Variants in RAPGEF2 observed in about 807,000 individuals in gnomAD.
RAPGEF2 encodes the protein Rap guanine nucleotide exchange factor 2.
A neutral mutation model predicts 186.7 loss-of-function variants in RAPGEF2; 54 were observed. The observed-to-expected ratio is 0.29, with a 90% CI of 0.23 to 0.36. RAPGEF2 has a LOEUF of 0.36. Among genes scored for constraint, RAPGEF2 ranks in the 10% least tolerant of loss-of-function variants. The probability of loss-of-function intolerance (pLI) is 1.00; values close to 1 mark genes in which losing one functional copy is unlikely to be tolerated. For synonymous variants in RAPGEF2, 712 were observed against 705.9 expected, an observed-to-expected ratio of 1.01 and a Z score of -0.14; for missense variants, 1,532 against 2,045.0, an observed-to-expected ratio of 0.75 and a Z score of 4.84.
chr4:159,134,723 T>C lies in RAPGEF2; in HGVS notation c.69+30492T>C, dbSNP rs191002672. On this transcript the variant is annotated intron_variant, in intron 1 of 29. Transcript: ENST00000691494. Reference sequence around the variant, plus strand: ...ATTTAGAAACAACTTTATTGAGATATAATTCACATACCATACAATTCACCC... The same window carrying C: ...ATTTAGAAACAACTTTATTGAGATACAATTCACATACCATACAATTCACCC... Among the ~76,000 whole-genome samples the C allele has an allele frequency of 2.6e-4, 40 of 152,352 alleles. No homozygotes were observed. The Middle Eastern group carries it at 0.014, about 52-fold the overall frequency.
At position 159,250,290 on chromosome 4, in the gene RAPGEF2, T is replaced by C. The variant is rs538830621; in HGVS notation, c.543+6499T>C. ...TAAAGAACTTACTTATGTAACCAAA[T>C]ACCACCTGTACCCCAATAACTTATG... On this transcript the variant is annotated intron_variant, in intron 7 of 29. Transcript: ENST00000691494. 7.9e-5 allele frequency among the ~76,000 whole-genome samples: 12 copies of C among 152,154 alleles called. No individual in the cohort carries two copies. The South Asian group carries it at 1.9e-3, about 24-fold the overall frequency.
intron 7 of RAPGEF2, among the ~76,000 whole-genome samples, chr4:159,269,145 G>A (rs1341419112): frequency 6.6e-6 from 1 of 152,186 alleles, no homozygotes; most frequent in South Asian, 2.1e-4. Context: ...GGCTTTGTAA[G>A]TTTATAGATA....
At position 159,332,715 on chromosome 4, in the gene RAPGEF2, T is replaced by C; in HGVS notation, c.2135+18T>C. On this transcript the variant is annotated intron_variant, in intron 17 of 29. Transcript: ENST00000691494. ...CCATACAAGTAAGCATCTGCATATG[T>C]CTTCTGTGCATTATTTTATTTTGTT... 6.2e-7 allele frequency: 1 copy of C among 1,608,238 alleles called. No homozygotes were observed. The highest frequency in any genetic ancestry group is 8.5e-7 in the Non-Finnish European group (1 of 1,176,962).
intron 7 of RAPGEF2, among the ~76,000 whole-genome samples, chr4:159,255,873 G>A (rs2111531579): frequency 6.6e-6 from 1 of 152,056 alleles, no homozygotes; most frequent in East Asian, 1.9e-4. Context: ...CAGATTTTAA[G>A]TTTGCTTTAT....
At chr4:159,106,691 C>T (rs953845262) in intron 1 of RAPGEF2, among the ~76,000 whole-genome samples, 1 of 152,176 alleles carries the variant, frequency 6.6e-6, no homozygotes, top group African/African-American at 2.4e-5. Context: ...AATTGGGGAA[C>T]ATATGTAATT....
chr4:159,334,145 C>T (rs951070490), intron 17 of RAPGEF2, among the ~76,000 whole-genome samples: 1 of 152,164 alleles, frequency 6.6e-6, no homozygotes, highest in African/African-American at 2.4e-5. Flanking sequence ...ATTAGGGCAC[C>T]TGGCATTTAC....
At chr4:159,129,170 C>T (rs1740725424) in intron 1 of RAPGEF2, among the ~76,000 whole-genome samples, 1 of 151,734 alleles carries the variant, frequency 6.6e-6, no homozygotes, top group African/African-American at 2.4e-5. Flanking sequence ...GAAATCTTAT[C>T]GCTTTCTTTT....
At position 159,178,551 on chromosome 4, in the gene RAPGEF2, C is replaced by CTTTTTTTTT. The variant is rs71589215; in HGVS notation, c.70-8075_70-8067dup. On this transcript the variant is annotated intron_variant, in intron 1 of 29. Transcript: ENST00000691494. ...TTCTTTCCCATTAGCATGTATTATG[C>CTTTTTTTTT]TTTTTTTTTTTTTTTTTTTTTTTTG... Among the ~76,000 whole-genome samples, 10 of 75,486 alleles carry CTTTTTTTTT rather than the reference C, an allele frequency of 1.3e-4. 1 individual carries two copies. The highest frequency in any genetic ancestry group is 2.9e-4 in the African/African-American group (5 of 16,984). The allele number at this position is 75,486 out of a possible 152,430, so 49.5% of individuals were successfully genotyped here.
At chr4:159,121,427 T>C (rs1001001431) in intron 1 of RAPGEF2, among the ~76,000 whole-genome samples, 1 of 151,710 alleles carries the variant, frequency 6.6e-6, no homozygotes, top group Non-Finnish European at 1.5e-5. Context: ...AGTACAGTGG[T>C]GTGATCACAG....
intron 4 of RAPGEF2, among the ~76,000 whole-genome samples, chr4:159,213,569 A>G (rs1002717586): frequency 1.8e-4 from 27 of 152,210 alleles, no homozygotes; most frequent in Admixed American, 5.2e-4. Context: ...GAAAAGGATG[A>G]TATATATGGC....
chr4:159,275,648 A>G (rs1758763974), intron 7 of RAPGEF2, among the ~76,000 whole-genome samples: 3 of 152,148 alleles, frequency 2.0e-5, no homozygotes, highest in African/African-American at 7.2e-5. Flanking sequence ...ATCTCTTGTC[A>G]TAGATGTTTT....
intron 4 of RAPGEF2, among the ~76,000 whole-genome samples, chr4:159,216,004 T>A (rs577220070): frequency 1.4e-4 from 22 of 152,352 alleles, no homozygotes; most frequent in African/African-American, 5.1e-4. Flanking sequence ...AAATTTTATC[T>A]GTCACTGAAA....
chr4:159,312,953 G>A (rs1764118680), intron 8 of RAPGEF2, among the ~76,000 whole-genome samples: 2 of 152,068 alleles, frequency 1.3e-5, no homozygotes, highest in South Asian at 4.1e-4. Context: ...TTCAAGACTG[G>A]CCAAGCCAAC....
Position 159,350,170 on chromosome 4 carries a change from TTTC to T in RAPGEF2, c.3749_3751del (p.Ser1250del). ...TCTCCACAAGCTTTAAAAAAAATTC[TTTC>T]TTTGTCTGAAGAAGGAAGTTTGGAA... On this transcript the variant is annotated inframe_deletion, in exon 26 of 30. Transcript: ENST00000691494. The T allele has an allele frequency of 6.3e-7, 1 of 1,576,574 alleles. No homozygotes were observed. Among genetic ancestry groups the T allele is most frequent in the African/African-American group, 1.4e-5 (1 of 73,484 alleles).
intron 1 of RAPGEF2, among the ~76,000 whole-genome samples, chr4:159,156,159 T>C (rs1744094143): frequency 1.3e-5 from 2 of 152,186 alleles, no homozygotes; most frequent in African/African-American, 4.8e-5. Flanking sequence ...TACAGTTTTA[T>C]ATGAAGGCTT....
intron 7 of RAPGEF2, among the ~76,000 whole-genome samples, chr4:159,283,458 G>A (rs939577300): frequency 5.3e-5 from 8 of 152,106 alleles, no homozygotes; most frequent in African/African-American, 7.2e-5. Flanking sequence ...TTAGTTTTCA[G>A]TTTAGTTATT....
intron 7 of RAPGEF2, among the ~76,000 whole-genome samples, chr4:159,273,082 T>C (rs2110828530): frequency 6.6e-6 from 1 of 152,348 alleles, no homozygotes; most frequent in South Asian, 2.1e-4. Context: ...GAGGCTAGGT[T>C]ATGCCTCTTT....
chr4:159,322,623 A>T, intron 10 of RAPGEF2, 140 bp downstream of exon 10: 1 of 656,232 alleles, frequency 1.5e-6, no homozygotes, highest in Non-Finnish European at 2.6e-6. Context: ...ATTATGGTAC[A>T]CCTGTTATGT....
At chr4:159,170,839 C>T (rs755725574) in intron 1 of RAPGEF2, among the ~76,000 whole-genome samples, 1 of 144,448 alleles carries the variant, frequency 6.9e-6, no homozygotes, top group Non-Finnish European at 1.6e-5. Flanking sequence ...GGTTCCAGGT[C>T]TTACGTTTAA....
Sources: allele counts gnomAD v4.1 joint callset (sites outside exome capture counted in the v4.1 genomes callset), GRCh38; gene constraint gnomAD v4.1.1; transcripts MANE v1.5; gene names NCBI Gene and HGNC (gene_info 2026-07-23, HGNC 2026-07-21).